The following GNLY variants were observed in gnomAD, a reference collection of about 807,000 sequenced individuals.
GNLY encodes granulysin.
GNLY carries 15 observed loss-of-function variants against 18.5 expected under a neutral mutation model. The observed-to-expected ratio is 0.81, with a 90% CI of 0.54 to 1.25. The LOEUF is 1.25. Among genes scored for constraint, GNLY ranks in the 50% most tolerant of loss-of-function variants. The pLI is 0.00. For missense variants in GNLY, 178 were observed against 186.9 expected (o/e 0.95, Z 0.28); for synonymous variants, 77 against 74.9 (o/e 1.03, Z -0.14).
At chr2:85,695,076 A>G in intron 1 of GNLY, 1 of 1,320,570 alleles carries the variant, frequency 7.6e-7, no homozygotes, top group Non-Finnish European at 1.1e-6. Context: ...TTGCTGGGGG[A>G]ACAGAGGAGA....
chr2:85,696,428 T>C (rs1187129364), intron 3 of GNLY: 3 of 189,988 alleles, frequency 1.6e-5, no homozygotes, highest in African/African-American at 7.0e-5. Context: ...CCAGATCTGC[T>C]ACTTCCAAGC....
chr2:85,698,410 G>A, intron 4 of GNLY, 154 bp from the exon 5 acceptor site: 1 of 1,289,668 alleles, frequency 7.8e-7, no homozygotes, highest in East Asian at 2.3e-5. Context: ...CCCACAACCT[G>A]CTCAGGCTGC....
Position 85,698,724 on chromosome 2 carries a change from A to C in GNLY, c.*150A>C. ...ACTCCCTCTGCTGTCCTCCCCTCTCACGAGAATAAAGTGTCAAGCAAGATT... is the reference window on the plus strand; with the variant it reads ...ACTCCCTCTGCTGTCCTCCCCTCTCCCGAGAATAAAGTGTCAAGCAAGATT... On this transcript the variant is annotated 3_prime_UTR_variant, in exon 5 of 5. Coordinates refer to ENST00000263863, the MANE Select transcript of GNLY (RefSeq NM_006433.5). The C allele has an allele frequency of 6.4e-7, 1 of 1,560,098 alleles. No individual in the cohort carries two copies.
At chr2:85,697,756 T>G (rs887228337) in intron 4 of GNLY, 79 bp downstream of exon 4, 4 of 949,472 alleles carry the variant, frequency 4.2e-6, no homozygotes, top group Non-Finnish European at 6.6e-6. Context: ...AGCTGCCTCC[T>G]TACTCCCCCA....
intron 2 of GNLY, 74 bp from the exon 3 acceptor site, chr2:85,695,884 G>A (rs981781292): frequency 1.3e-6 from 1 of 796,624 alleles, no homozygotes; most frequent in Non-Finnish European, 2.1e-6. Context: ...AACACAAAGG[G>A]CCCCTTTCCT....
chr2:85,695,493 T>G, intron 2 of GNLY, 70 bp downstream of exon 2: 1 of 906,466 alleles, frequency 1.1e-6, no homozygotes, highest in Non-Finnish European at 1.8e-6. Context: ...GCTCCTGGGG[T>G]GAGGTCTGGA....
rs1046956686 is a variant in GNLY, at chr2:85,698,345, T to C, written c.428-219T>C. 4 of 745,474 alleles carry C rather than the reference T, an allele frequency of 5.4e-6. No homozygotes were observed. The African/African-American group carries it at 6.9e-5, about 13-fold the overall frequency. The allele number at this position is 745,474 out of a possible 1,614,324, so 46.2% of individuals were successfully genotyped here. The stretch of plus-strand genomic sequence containing the variant: ...TGCTCTGGGATTTTATGCTGGCAGA[T>C]CGGGGGTCCCCACCATTTCCTGTCA... On this transcript the variant is annotated intron_variant, in intron 4 of 4. Transcript: ENST00000263863.
chr2:85,695,095 T>A, intron 1 of GNLY: 1 of 1,208,192 alleles, frequency 8.3e-7, no homozygotes, highest in Non-Finnish European at 1.2e-6. Flanking sequence ...GAAGAGAGAG[T>A]CTCGCCCTCC....
chr2:85,697,417 C>T lies in GNLY; in HGVS notation c.256-89C>T, dbSNP rs1346582703. On this transcript the variant is annotated intron_variant, in intron 3 of 4. Transcript: ENST00000263863. ...TGCCAGCTCCTCGCACCCAGTACTC[C>T]CATTGCTAGGGCTGCTGGAACCTGC... is the stretch of plus-strand genomic sequence containing the variant. 37 of 1,153,554 alleles carry T rather than the reference C, an allele frequency of 3.2e-5. No individual in the cohort carries two copies. In the Admixed American group the frequency reaches 6.4e-4, roughly 20 times the overall value. 71.5% of individuals were successfully genotyped at this position (1,153,554 alleles called of 1,614,324 possible).
intron 3 of GNLY, 68 bp from the exon 4 acceptor site, chr2:85,697,438 C>G: frequency 7.1e-7 from 1 of 1,400,074 alleles, no homozygotes; most frequent in Non-Finnish European, 1.0e-6. Flanking sequence ...GCTGCTGGAA[C>G]CTGCAGGGTG....
At chr2:85,698,251 G>A in intron 4 of GNLY, 3 of 593,022 alleles carry the variant, frequency 5.1e-6, no homozygotes, top group South Asian at 3.3e-5. Flanking sequence ...AACAGATCTC[G>A]GCTGTAGGAA....
chr2:85,696,267 C>T (rs1217689963), intron 3 of GNLY: 16 of 552,874 alleles, frequency 2.9e-5, no homozygotes, highest in South Asian at 6.8e-5. Context: ...GTAAGTCAGA[C>T]GGCAGAGTAT....
chr2:85,696,538 C>CTTT (rs35724532), intron 3 of GNLY: 11 of 144,732 alleles, frequency 7.6e-5, no homozygotes, highest in Admixed American at 1.4e-4. Context: ...TTGTCAAACC[C>CTTT]TTTTTTTTTT....
intron 1 of GNLY, chr2:85,694,906 T>C (rs1305262643): frequency 1.9e-6 from 3 of 1,558,920 alleles, no homozygotes; most frequent in South Asian, 2.4e-5. Flanking sequence ...TGCACCCTGC[T>C]CTCTCCCAGG....
intron 4 of GNLY, chr2:85,698,300 G>A (rs1044607476): frequency 1.8e-5 from 12 of 684,182 alleles, no homozygotes; most frequent in Non-Finnish European, 3.2e-5. Flanking sequence ...GGCTCTGGCA[G>A]CTCAGCTGGC....
Position 85,698,655 on chromosome 2 carries a change from T to C in GNLY, c.*81T>C, listed in dbSNP as rs775503196. 2.0e-5 allele frequency: 32 copies of C among 1,610,580 alleles called. No homozygotes were observed. In the African/African-American group the frequency reaches 4.0e-4, roughly 20 times the overall value. ...AACCTCAGCAACCTCTGCCGGCTCC[T>C]CGCTTCCTCGATCCAGAATCCACTC... On this transcript the variant is annotated 3_prime_UTR_variant, in exon 5 of 5. Transcript: ENST00000263863.
intron 1 of GNLY, 197 bp downstream of exon 1, chr2:85,694,667 G>A: frequency 2.4e-6 from 3 of 1,226,534 alleles, no homozygotes; most frequent in Non-Finnish European, 3.3e-6. Context: ...CACTGGCCTG[G>A]CCAAGGAGGA....
At chr2:85,695,878 C>A in intron 2 of GNLY, 80 bp from the exon 3 acceptor site, 1 of 772,078 alleles carries the variant, frequency 1.3e-6, no homozygotes, top group Non-Finnish European at 2.2e-6. Flanking sequence ...CTCAGAAACA[C>A]AAAGGGCCCC....
Position 85,697,531 on chromosome 2 carries a change from G to C in GNLY, c.281G>C (p.Arg94Pro), listed in dbSNP as rs776751418. 75 of 1,612,786 alleles carry C rather than the reference G, an allele frequency of 4.7e-5. No homozygotes were observed. The Admixed American group carries it at 1.2e-3, about 25-fold the overall frequency. The change falls in exon 4 of 5, where the codon CGG becomes CCG. Residue 94 changes from arginine to proline, a missense_variant. Physicochemically the swap from Arg to Pro is moderately radical, Grantham distance 103 (BLOSUM62 -2). Coordinates refer to ENST00000263863, the MANE Select transcript of GNLY (RefSeq NM_006433.5). ...TQRSVSNAATRVCRTGRSRWR... is the reference protein window; with the variant it reads ...TQRSVSNAATPVCRTGRSRWR... ...AGAAGTGTTTCCAATGCTGCGACCC[G>C]GGTGTGTAGGACGGGGAGGTCACGA...
Sources: gnomAD v4.1 joint callset for allele counts on GRCh38, gnomAD v4.1.1 for gene constraint, MANE v1.5 for transcripts, NCBI Gene and HGNC (gene_info 2026-07-23, HGNC 2026-07-21) for gene names.